Variants in SNRNP40 observed in about 807,000 individuals in gnomAD.
SNRNP40 encodes U5 small nuclear ribonucleoprotein 40 kDa protein.
A neutral mutation model predicts 45.8 loss-of-function variants in SNRNP40; 21 were observed. The observed-to-expected ratio is 0.46, with a 90% CI of 0.32 to 0.66. SNRNP40 has a LOEUF of 0.66. Among genes scored for constraint, SNRNP40 ranks in the 30% least tolerant of loss-of-function variants. SNRNP40 has a pLI of 0.03. For synonymous variants in SNRNP40, 142 were observed against 163.8 expected (o/e 0.87, Z 1.01); for missense variants, 344 against 439.1 (o/e 0.78, Z 1.94).
rs960186208 is a variant in SNRNP40, at chr1:31,282,454, G to A, written c.532-958C>T. On this transcript the variant is annotated intron_variant, in intron 4 of 9. Transcript: ENST00000263694. ...GGGAATAAGAGCTTCGAAAAGCACC[G>A]ACATATTCCTGGCTATCTATCTATC... 4.0e-5 allele frequency: 6 copies of A among 149,376 alleles called. No individual in the cohort carries two copies. In the South Asian group the frequency reaches 8.5e-4, roughly 21 times the overall value. 9.3% of individuals were successfully genotyped at this position (149,376 alleles called of 1,614,324 possible). A position where few individuals can be genotyped will look rare whatever the true frequency, so the allele number is the denominator to read the frequency against.
chr1:31,276,522 A>T (rs1244788617), intron 5 of SNRNP40, among the ~76,000 whole-genome samples: 1 of 152,016 alleles, frequency 6.6e-6, no homozygotes, highest in African/African-American at 2.4e-5. Context: ...ATAAGAGGCA[A>T]GTCACAGCAA....
At position 31,280,310 on chromosome 1, in the gene SNRNP40, A is replaced by G. The variant is rs116711977; in HGVS notation, c.654+1064T>C. Among the ~76,000 whole-genome samples, 1,404 of 151,502 alleles carry G rather than the reference A, an allele frequency of 9.3e-3. 23 individuals are homozygous for G. The highest frequency in any genetic ancestry group is 0.029 in the African/African-American group (1,218 of 41,352). ...CCTGAGTAGCTGGGATTACAGGCAC[A>G]CCACCATCACATCCAGCTAATTTTT... On this transcript the variant is annotated intron_variant, in intron 5 of 9. Coordinates refer to ENST00000263694, the MANE Select transcript of SNRNP40 (RefSeq NM_004814.3).
At chr1:31,295,660 T>C (rs1646144296) in intron 1 of SNRNP40, among the ~76,000 whole-genome samples, 1 of 152,166 alleles carries the variant, frequency 6.6e-6, no homozygotes, top group Non-Finnish European at 1.5e-5. Flanking sequence ...CTGGATGAAG[T>C]ACAAAGCCAC....
chr1:31,276,862 G>GTC (rs1015229399), intron 5 of SNRNP40, among the ~76,000 whole-genome samples: 45 of 152,084 alleles, frequency 3.0e-4, no homozygotes, highest in African/African-American at 1.0e-3. Context: ...GTGAAACCAT[G>GTC]TCTCTACTAA....
chr1:31,263,913 TAAAAAAA>T (rs11419603), intron 8 of SNRNP40, among the ~76,000 whole-genome samples: 2 of 107,008 alleles, frequency 1.9e-5, no homozygotes, highest in Non-Finnish European at 3.6e-5. Context: ...ATGTACTGGC[TAAAAAAA>T]AAAAAAAAAA....
At chr1:31,267,235 G>T (rs1012546588) in intron 8 of SNRNP40, among the ~76,000 whole-genome samples, 3 of 152,136 alleles carry the variant, frequency 2.0e-5, no homozygotes, top group African/African-American at 7.2e-5. Context: ...TTTAATATGT[G>T]TTCAAATGAA....
chr1:31,282,120 C>T (rs1043801098), intron 4 of SNRNP40: 24 of 152,298 alleles, frequency 1.6e-4, no homozygotes, highest in African/African-American at 5.5e-4. Context: ...CTGTCTCCTG[C>T]TCAGCAACAG....
chr1:31,296,533 G>A lies in SNRNP40; in HGVS notation c.141+78C>T, dbSNP rs549564379. On this transcript the variant is annotated intron_variant, in intron 1 of 9. Coordinates refer to ENST00000263694, the MANE Select transcript of SNRNP40 (RefSeq NM_004814.3). Reference sequence around the variant, plus strand: ...TTCTGCCCCCGCAATGCGGGAAAGGGTCAGGGATCACCAGATACAGCGCTC... The same window carrying A: ...TTCTGCCCCCGCAATGCGGGAAAGGATCAGGGATCACCAGATACAGCGCTC... 83 of 1,505,516 alleles carry A rather than the reference G, an allele frequency of 5.5e-5. No homozygotes were observed. The East Asian group carries it at 1.9e-3, about 34-fold the overall frequency. The allele number at this position is 1,505,516 out of a possible 1,614,324, so 93.3% of individuals were successfully genotyped here.
At chr1:31,272,301 T>C (rs1435066030) in intron 5 of SNRNP40, among the ~76,000 whole-genome samples, 1 of 152,130 alleles carries the variant, frequency 6.6e-6, no homozygotes, top group Non-Finnish European at 1.5e-5. Context: ...ACATACACTA[T>C]GGAAAAGCAC....
chr1:31,292,305 T>C (rs1472917020), intron 2 of SNRNP40, among the ~76,000 whole-genome samples: 1 of 152,152 alleles, frequency 6.6e-6, no homozygotes, highest in African/African-American at 2.4e-5. Flanking sequence ...GAGGATGCAG[T>C]GAGCCGAGAT....
chr1:31,289,997 C>G (rs1646091516), intron 3 of SNRNP40, among the ~76,000 whole-genome samples: 1 of 151,986 alleles, frequency 6.6e-6, no homozygotes, highest in East Asian at 1.9e-4. Flanking sequence ...GTAGCTGGGA[C>G]CACAGGTCTG....
intron 1 of SNRNP40, among the ~76,000 whole-genome samples, chr1:31,294,112 C>G (rs1646124998): frequency 6.6e-6 from 1 of 151,976 alleles, no homozygotes; most frequent in Non-Finnish European, 1.5e-5. Flanking sequence ...CATGCACAAC[C>G]ACGCCCGGCT....
chr1:31,281,319 T>A (rs1646015028), intron 5 of SNRNP40, 55 bp downstream of exon 5: 1 of 1,471,464 alleles, frequency 6.8e-7, no homozygotes, highest in East Asian at 2.3e-5. Context: ...TTGAAAAAAT[T>A]CGTTTCTAAG....
chr1:31,259,686 CATCT>C lies in SNRNP40; in HGVS notation c.*382_*385del, dbSNP rs1645844069. On this transcript the variant is annotated 3_prime_UTR_variant, in exon 10 of 10. Transcript: ENST00000263694. ...AATCCACATGGCTCTTGTAAAAAGG[CATCT>C]ATTTGGCTTTTAATACAAAATGATA... 1 of 421,636 alleles carries C rather than the reference CATCT, an allele frequency of 2.4e-6. No homozygotes were observed. The highest frequency in any genetic ancestry group is 2.2e-5 in the African/African-American group (1 of 45,650). 26.1% of individuals were successfully genotyped at this position (421,636 alleles called of 1,614,324 possible). A position where few individuals can be genotyped will look rare whatever the true frequency, so the allele number is the denominator to read the frequency against.
chr1:31,261,223 T>TGC, intron 9 of SNRNP40: 2 of 372,912 alleles, frequency 5.4e-6, no homozygotes, highest in Non-Finnish European at 9.9e-6. Context: ...TGGTGGTGGG[T>TGC]GCCTGTAATC....
chr1:31,260,404 GAA>G, intron 9 of SNRNP40, among the ~76,000 whole-genome samples: 1 of 152,038 alleles, frequency 6.6e-6, no homozygotes, highest in East Asian at 1.9e-4. Context: ...AGTCATTCTA[GAA>G]GAGAGGAATC....
rs143525594 is a variant in SNRNP40, at chr1:31,290,378, T to C, written c.366-959A>G. On this transcript the variant is annotated intron_variant, in intron 3 of 9. Transcript: ENST00000263694. ...AATGTATACAATGCTATGTATCAAT[T>C]GATGGAGCACCCTAAGATTTTAGAG... Among the ~76,000 whole-genome samples, 38 of 152,276 alleles carry C rather than the reference T, an allele frequency of 2.5e-4. No homozygotes were observed. In the East Asian group the frequency reaches 6.6e-3, roughly 26 times the overall value.
intron 3 of SNRNP40, among the ~76,000 whole-genome samples, chr1:31,290,694 G>A (rs941552634): frequency 2.6e-5 from 4 of 151,752 alleles, no homozygotes; most frequent in Admixed American, 6.6e-5. Context: ...TGGCTAACAC[G>A]GTGAAACCCC....
At chr1:31,261,340 CA>C (rs1316283653) in intron 9 of SNRNP40, among the ~76,000 whole-genome samples, 188 bp downstream of exon 9, 1 of 152,144 alleles carries the variant, frequency 6.6e-6, no homozygotes, top group Non-Finnish European at 1.5e-5. Flanking sequence ...AACAGCGAGA[CA>C]CTGTCTCAAA....
Sources: gnomAD v4.1 joint callset for allele counts (sites outside exome capture counted in the v4.1 genomes callset) on GRCh38, gnomAD v4.1.1 for gene constraint, MANE v1.5 for transcripts, NCBI Gene and HGNC (gene_info 2026-07-23, HGNC 2026-07-21) for gene names.